The following SPTAN1 variants were observed in gnomAD, a reference collection of about 807,000 sequenced individuals.
SPTAN1 encodes the protein spectrin alpha, non-erythrocytic 1.
In SPTAN1, 61 loss-of-function variants were observed where a neutral mutation model predicts 331.3. The observed-to-expected ratio is 0.18, with a 90% CI of 0.15 to 0.23. The LOEUF is 0.23. SPTAN1 is among the 10% of genes least tolerant of loss of function. The pLI, the probability that SPTAN1 is intolerant of heterozygous loss-of-function variation, is 1.00. For synonymous variants in SPTAN1, 1,153 were observed against 1,173.9 expected (o/e 0.98, Z 0.36); for missense variants, 2,043 against 3,147.9 (o/e 0.65, Z 8.40).
chr9:128,576,578 G>A (rs983005611), intron 5 of SPTAN1, among the ~76,000 whole-genome samples: 1 of 152,180 alleles, frequency 6.6e-6, no homozygotes, highest in Non-Finnish European at 1.5e-5. Flanking sequence ...TGGCACTTTT[G>A]CACATAACCA....
chr9:128,589,805 G>A (rs1853224654), intron 21 of SPTAN1, among the ~76,000 whole-genome samples: 1 of 151,678 alleles, frequency 6.6e-6, no homozygotes, highest in Admixed American at 6.6e-5. Context: ...TCGATCTCCT[G>A]ACCTCGTGAT....
rs1334761584 is a variant in SPTAN1, at chr9:128,609,631, C to T, written c.4759-20C>T. The T allele has an allele frequency of 6.6e-7, 1 of 1,523,026 alleles. No individual in the cohort carries two copies. The highest frequency in any genetic ancestry group is 2.4e-5 in the East Asian group (1 of 41,764). The allele number at this position is 1,523,026 out of a possible 1,614,324, so 94.3% of individuals were successfully genotyped here. On this transcript the variant is annotated intron_variant, in intron 36 of 56. Coordinates refer to ENST00000372739, the MANE Select transcript of SPTAN1 (RefSeq NM_001130438.3). ...CACATCAGTGTACTGAACTCTTGTT[C>T]TTTTAATCTGTTTTTGTAGCTTTCC... is the stretch of plus-strand genomic sequence containing the variant.
rs923450396 is a variant in SPTAN1 at position 128,629,601 on chromosome 9, CTTTG to C, written c.6708-716_6708-713del. On this transcript the variant is annotated intron_variant, in intron 51 of 56. Coordinates refer to ENST00000372739, the MANE Select transcript of SPTAN1 (RefSeq NM_001130438.3). The surrounding 1 kb of genome is among the most constrained non-coding windows in gnomAD (Gnocchi z 4.9). ...CACGTAACCCTAACTCGTTTGTTGT[CTTTG>C]TTTACTGGTAGCCTCTGTGACCTGG... 1 of 169,808 alleles carries C rather than the reference CTTTG, an allele frequency of 5.9e-6. No individual in the cohort carries two copies. Among genetic ancestry groups the C allele is most frequent in the Non-Finnish European group, 1.3e-5 (1 of 78,874 alleles). The allele number at this position is 169,808 out of a possible 1,614,324, so 10.5% of individuals were successfully genotyped here.
chr9:128,555,501 G>A (rs781333852), intron 1 of SPTAN1: 3 of 974,154 alleles, frequency 3.1e-6, no homozygotes, highest in Non-Finnish European at 4.2e-6. Context: ...CAAAGAAAGG[G>A]GGAAAAAAAC....
At chr9:128,595,979 G>C (rs778328513) in intron 24 of SPTAN1, 1 of 152,358 alleles carries the variant, frequency 6.6e-6, no homozygotes, top group Non-Finnish European at 1.5e-5. Context: ...GAGTAGCTGG[G>C]ATTATAGGTA....
At chr9:128,594,597 A>C (rs947430041) in intron 24 of SPTAN1, among the ~76,000 whole-genome samples, 1 of 151,198 alleles carries the variant, frequency 6.6e-6, no homozygotes, top group African/African-American at 2.4e-5. Flanking sequence ...CGCCCTGCTA[A>C]TTTTTGTATT....
chr9:128,627,523 G>GC lies in SPTAN1; in HGVS notation c.6689+26dup. The GC allele has an allele frequency of 6.5e-7, 1 of 1,535,376 alleles. No homozygotes were observed. The highest frequency in any genetic ancestry group is 8.8e-7 in the Non-Finnish European group (1 of 1,132,862). On this transcript the variant is annotated intron_variant, in intron 50 of 56. Coordinates refer to ENST00000372739, the MANE Select transcript of SPTAN1 (RefSeq NM_001130438.3). This position sits in a 1 kb window ranked among gnomAD's most constrained non-coding sequence, Gnocchi z 4.9. ...GGTGCCAGCCCGCTGGGGCCGGGGA[G>GC]CAGCAGCATGTCCCTGCTGTACTTA...
Position 128,627,939 on chromosome 9 carries a change from A to T in SPTAN1, c.6704A>T (p.Asp2235Val). Residue 2235 changes from aspartate (D) to valine (V), a missense_variant, in exon 51 of 57, where the codon GAT becomes GTT. Physicochemically the swap from Asp to Val is radical, Grantham distance 152. Coordinates refer to ENST00000372739, the MANE Select transcript of SPTAN1 (RefSeq NM_001130438.3). The surrounding 1 kb of genome is among the most constrained non-coding windows in gnomAD (Gnocchi z 4.9). ...GCTCTCCACAGGACATACCTCCTCG[A>T]TGGGTTAATATTGTTTTCTTCCTTC... ...WIQETRTYLLDGSCMVEESGT... is the reference protein window; with the variant it reads ...WIQETRTYLLVGSCMVEESGT... 6.2e-7 allele frequency: 1 copy of T among 1,613,906 alleles called. No individual in the cohort carries two copies. Among genetic ancestry groups the T allele is most frequent in the Non-Finnish European group, 8.5e-7 (1 of 1,179,962 alleles).
chr9:128,589,285 C>CTT (rs1853113529), intron 21 of SPTAN1, among the ~76,000 whole-genome samples: 1 of 132,788 alleles, frequency 7.5e-6, no homozygotes, highest in Non-Finnish European at 1.6e-5. Context: ...TTTTCTTTTT[C>CTT]TTTTCTTTTT....
At chr9:128,561,657 C>G in intron 1 of SPTAN1, among the ~76,000 whole-genome samples, 1 of 5,878 alleles carries the variant, frequency 1.7e-4, no homozygotes, top group Non-Finnish European at 9.6e-4. Flanking sequence ...AGCGAGACTC[C>G]GTCTCAAAAA....
chr9:128,624,194 T>A lies in SPTAN1; in HGVS notation c.5833-134T>A. The A allele has an allele frequency of 4.4e-6, 4 of 908,250 alleles. 1 individual carries two copies. In the Middle Eastern group the frequency reaches 1.3e-3, roughly 296 times the overall value. The allele number at this position is 908,250 out of a possible 1,614,324, so 56.3% of individuals were successfully genotyped here. ...TTGCTCTTACAAAAGCCTTACCCTATCATTGTTTACCCAGCAGTGGACAGG... is the reference window on the plus strand; with the variant it reads ...TTGCTCTTACAAAAGCCTTACCCTAACATTGTTTACCCAGCAGTGGACAGG... On this transcript the variant is annotated intron_variant, in intron 45 of 56. Transcript: ENST00000372739.
rs1320279172 is a variant in SPTAN1 at position 128,606,498 on chromosome 9, G to GT, written c.4046+1021_4046+1022insT. Among the ~76,000 whole-genome samples the GT allele has an allele frequency of 3.8e-3, 311 of 81,140 alleles. 1 individual carries two copies. Among genetic ancestry groups the GT allele is most frequent in the African/African-American group, 0.011 (284 of 25,128 alleles). 53.2% of individuals were successfully genotyped at this position (81,140 alleles called of 152,430 possible). On this transcript the variant is annotated intron_variant, in intron 31 of 56. Coordinates refer to ENST00000372739, the MANE Select transcript of SPTAN1 (RefSeq NM_001130438.3). ...ATATATATATATATATTTTTTTTTTGGGGGGGGAAGCGTTTCGCTTTTGTG... is the reference window on the plus strand; with the variant it reads ...ATATATATATATATATTTTTTTTTTGTGGGGGGGAAGCGTTTCGCTTTTGTG...
At chr9:128,618,793 T>G in intron 43 of SPTAN1, 78 bp from the exon 44 acceptor site, 1 of 1,610,482 alleles carries the variant, frequency 6.2e-7, no homozygotes, top group Non-Finnish European at 8.5e-7. Flanking sequence ...TTTGTGACTG[T>G]TTTTAAGCAT....
At chr9:128,584,213 T>C (rs1852288285) in intron 16 of SPTAN1, 69 bp from the exon 17 acceptor site, 6 of 1,609,582 alleles carry the variant, frequency 3.7e-6, no homozygotes, top group East Asian at 2.2e-5. Context: ...AAAGACCTTA[T>C]CAATTTTTCT....
At chr9:128,580,775 G>T (rs1589202305) in intron 10 of SPTAN1, 147 bp from the exon 11 acceptor site, 1 of 1,040,388 alleles carries the variant, frequency 9.6e-7, no homozygotes, top group Non-Finnish European at 1.5e-6. Context: ...GCACATACAA[G>T]TGAATGTTGT....
At chr9:128,612,079 A>G in intron 38 of SPTAN1, 30 bp from the exon 39 acceptor site, 1 of 1,614,026 alleles carries the variant, frequency 6.2e-7, no homozygotes, top group Non-Finnish European at 8.5e-7. Context: ...CATAGATTTC[A>G]TCTCTTTTTG....
chr9:128,627,886 C>T lies in SPTAN1; in HGVS notation c.6690-39C>T. Reference sequence around the variant, plus strand: ...CCCGATTGCTGCTGTTGTCCGGACACCACCTTGTCTCCCGGCTGCTTGGAT... The same window carrying T: ...CCCGATTGCTGCTGTTGTCCGGACATCACCTTGTCTCCCGGCTGCTTGGAT... On this transcript the variant is annotated intron_variant, in intron 50 of 56. Coordinates refer to ENST00000372739, the MANE Select transcript of SPTAN1 (RefSeq NM_001130438.3). This position sits in a 1 kb window ranked among gnomAD's most constrained non-coding sequence, Gnocchi z 4.9. 6.2e-7 allele frequency: 1 copy of T among 1,613,892 alleles called. No homozygotes were observed. The highest frequency in any genetic ancestry group is 1.1e-5 in the South Asian group (1 of 91,084).
intron 52 of SPTAN1, among the ~76,000 whole-genome samples, chr9:128,631,175 G>A (rs1298173541): frequency 4.0e-5 from 6 of 151,676 alleles, no homozygotes; most frequent in African/African-American, 1.5e-4. Flanking sequence ...AAAGTCTTTG[G>A]GGCTGGGTGT....
intron 1 of SPTAN1, among the ~76,000 whole-genome samples, chr9:128,554,235 G>A (rs1225143229): frequency 6.6e-6 from 1 of 152,200 alleles, no homozygotes; most frequent in Non-Finnish European, 1.5e-5. Flanking sequence ...TGGAAAGGAG[G>A]ATTTTTGCTT....
Sources: allele counts gnomAD v4.1 joint callset (sites outside exome capture counted in the v4.1 genomes callset), GRCh38; gene constraint gnomAD v4.1.1; non-coding constraint Gnocchi (gnomAD v3.1); transcripts MANE v1.5; gene names NCBI Gene and HGNC (gene_info 2026-07-23, HGNC 2026-07-21).